Variants in NYAP2 observed in about 807,000 individuals in gnomAD.
NYAP2 encodes the protein neuronal tyrosine-phosphorylated phosphoinositide-3-kinase adapter 2.
Under a neutral mutation model 50.4 loss-of-function variants are expected in NYAP2, and 23 were observed. The observed-to-expected ratio is 0.46, with a 90% confidence interval of 0.33 to 0.65. The LOEUF (loss-of-function observed/expected upper bound fraction) is 0.65. NYAP2 is among the 30% of genes least tolerant of loss of function. NYAP2 has a pLI of 0.02. For missense variants in NYAP2, 885 were observed against 861.0 expected (o/e 1.03, Z -0.35); for synonymous variants, 394 against 365.2 (o/e 1.08, Z -0.90).
intron 4 of NYAP2, among the ~76,000 whole-genome samples, chr2:225,568,010 AT>A (rs1477566925): frequency 1.3e-5 from 2 of 152,112 alleles, no homozygotes; most frequent in African/African-American, 2.4e-5. Flanking sequence ...GTTTTAGGAT[AT>A]TTTTATTCCC....
chr2:225,412,255 C>CTTT (rs560637948), intron 3 of NYAP2, among the ~76,000 whole-genome samples: 761 of 59,114 alleles, frequency 0.013, 94 homozygotes, highest in African/African-American at 0.038. Context: ...CTGCGCCCGG[C>CTTT]TTTTTTTTTT....
intron 4 of NYAP2, among the ~76,000 whole-genome samples, chr2:225,530,047 T>G (rs1691227073): frequency 6.6e-6 from 1 of 152,278 alleles, no homozygotes. Context: ...GACAAAAACA[T>G]TTTTCCCATT....
the NYAP2 span, among the ~76,000 whole-genome samples, chr2:225,682,731 A>C: frequency 6.6e-6 from 1 of 152,180 alleles, no homozygotes. Flanking sequence ...CTTTGGAATG[A>C]GACCTAGGAG....
At chr2:225,466,780 A>G (rs1389400352) in intron 3 of NYAP2, among the ~76,000 whole-genome samples, 1 of 152,210 alleles carries the variant, frequency 6.6e-6, no homozygotes, top group African/African-American at 2.4e-5. Flanking sequence ...GAGAATTTGT[A>G]TTTGGTATTG....
intron 3 of NYAP2, among the ~76,000 whole-genome samples, chr2:225,450,677 G>A (rs1689635451): frequency 1.3e-5 from 2 of 152,174 alleles, no homozygotes; most frequent in African/African-American, 4.8e-5. Context: ...CATATTTATA[G>A]TCCTTAGAAA....
chr2:225,617,442 T>TA (rs971201433), intron 5 of NYAP2, among the ~76,000 whole-genome samples: 57 of 145,896 alleles, frequency 3.9e-4, no homozygotes, highest in East Asian at 1.0e-3. Flanking sequence ...AATAAAAAAA[T>TA]AAAAAAAAAA....
chr2:225,471,576 C>A (rs1690012602), intron 3 of NYAP2, among the ~76,000 whole-genome samples: 1 of 152,196 alleles, frequency 6.6e-6, no homozygotes, highest in South Asian at 2.1e-4. Flanking sequence ...ATCTTGGCAG[C>A]TACCCTATCC....
At chr2:225,418,293 G>A (rs958127044) in intron 3 of NYAP2, among the ~76,000 whole-genome samples, 6 of 152,136 alleles carry the variant, frequency 3.9e-5, no homozygotes, top group African/African-American at 1.4e-4. Context: ...TAGAAGATGA[G>A]GCCAGAGGCA....
chr2:225,453,023 C>T (rs1336790171), intron 3 of NYAP2, among the ~76,000 whole-genome samples: 1 of 152,184 alleles, frequency 6.6e-6, no homozygotes, highest in Non-Finnish European at 1.5e-5. Context: ...AGTGATGAAA[C>T]AGGGCATGTC....
intron 5 of NYAP2, among the ~76,000 whole-genome samples, chr2:225,609,331 CT>C (rs759856694): frequency 2.0e-5 from 3 of 152,094 alleles, no homozygotes; most frequent in African/African-American, 7.2e-5. Context: ...ATTATGAGGC[CT>C]TTTGTAAGAG....
chr2:225,507,804 A>G (rs1047277992), intron 3 of NYAP2, among the ~76,000 whole-genome samples: 7 of 152,254 alleles, frequency 4.6e-5, no homozygotes, highest in African/African-American at 1.2e-4. Flanking sequence ...CATATGCAGT[A>G]TATCAGGTAA....
chr2:225,698,038 C>G, the NYAP2 span, among the ~76,000 whole-genome samples: 4 of 151,530 alleles, frequency 2.6e-5, no homozygotes, highest in African/African-American at 9.7e-5. Context: ...ATTAGCTGGG[C>G]ATGGTGGTAT....
At chr2:225,508,295 G>A (rs1690746231) in intron 3 of NYAP2, among the ~76,000 whole-genome samples, 1 of 152,160 alleles carries the variant, frequency 6.6e-6, no homozygotes, top group Non-Finnish European at 1.5e-5. Context: ...TTCCTATAGT[G>A]AAGTTAGCTT....
intron 4 of NYAP2, among the ~76,000 whole-genome samples, chr2:225,560,671 C>T (rs1170490494): frequency 1.3e-5 from 2 of 151,964 alleles, no homozygotes; most frequent in Non-Finnish European, 2.9e-5. Flanking sequence ...GGAACAGAAA[C>T]TCTGGCACAA....
At chr2:225,573,582 G>A (rs1288472640) in intron 4 of NYAP2, among the ~76,000 whole-genome samples, 5 of 152,108 alleles carry the variant, frequency 3.3e-5, no homozygotes, top group Admixed American at 6.6e-5. Flanking sequence ...TGTTCTGTGA[G>A]TTGTTGGCTT....
intron 5 of NYAP2, among the ~76,000 whole-genome samples, chr2:225,603,146 G>T (rs1290612292): frequency 6.6e-6 from 1 of 151,886 alleles, no homozygotes; most frequent in African/African-American, 2.4e-5. Context: ...TTACTTCCTT[G>T]GTTACGTTTA....
At chr2:225,658,640 T>C (rs1693863911), downstream of NYAP2, among the ~76,000 whole-genome samples, 1 of 152,216 alleles carries the variant, frequency 6.6e-6, no homozygotes, top group Non-Finnish European at 1.5e-5. Flanking sequence ...GTGTGCTTTA[T>C]ATGGTCCTGT....
chr2:225,506,356 G>C (rs182595660), intron 3 of NYAP2, among the ~76,000 whole-genome samples: 2 of 152,072 alleles, frequency 1.3e-5, no homozygotes, highest in Admixed American at 6.5e-5. Context: ...TGAATATGAT[G>C]AATTGTATGA....
chr2:225,420,616 T>C lies in NYAP2; in HGVS notation c.221+11515T>C, dbSNP rs1574605552. Among the ~76,000 whole-genome samples the C allele has an allele frequency of 3.3e-5, 5 of 151,346 alleles. No individual in the cohort carries two copies. In the South Asian group the frequency reaches 1.0e-3, roughly 32 times the overall value. On this transcript the variant is annotated intron_variant, in intron 3 of 6. Coordinates refer to ENST00000636099, the Ensembl canonical transcript of NYAP2. ...TTTTCTTTTTCTTTTCTTTTCTTTT[T>C]TTTTTTTGTTTTTGAGACAGGGTCT... is the stretch of plus-strand genomic sequence containing the variant.
Sources: gnomAD v4.1 joint callset for allele counts (sites outside exome capture counted in the v4.1 genomes callset) on GRCh38, gnomAD v4.1.1 for gene constraint, MANE v1.5 for transcripts, NCBI Gene and HGNC (gene_info 2026-07-23, HGNC 2026-07-21) for gene names.